Variants in SLCO1B3 observed in about 807,000 individuals in gnomAD.
The protein encoded by SLCO1B3 is liver-specific organic anion transporter 2.
A neutral mutation model predicts 71.8 loss-of-function variants in SLCO1B3; 72 were observed. The ratio of observed to expected loss-of-function variants is 1.00; its 90% CI spans 0.83 to 1.22. The LOEUF (loss-of-function observed/expected upper bound fraction) is 1.22, where lower values mean the gene tolerates loss of function less well. Ranked by LOEUF, SLCO1B3 falls within the 50% of genes most tolerant of loss-of-function variation. The pLI is 0.00. For synonymous variants in SLCO1B3, 298 were observed against 278.4 expected (o/e 1.07, Z -0.70); for missense variants, 911 against 819.7 (o/e 1.11, Z -1.36).
intron 3 of SLCO1B3, among the ~76,000 whole-genome samples, chr12:20,824,343 C>T (rs1489406586): frequency 6.6e-6 from 1 of 152,188 alleles, no homozygotes; most frequent in Non-Finnish European, 1.5e-5. Flanking sequence ...CTTATTAATA[C>T]ATGAGCTCTC....
intron 3 of SLCO1B3, among the ~76,000 whole-genome samples, chr12:20,835,174 A>T (rs1864651334): frequency 6.6e-6 from 1 of 152,130 alleles, no homozygotes; most frequent in East Asian, 1.9e-4. Flanking sequence ...GCACCAAGTC[A>T]TGAGACTGCA....
At chr12:20,829,813 C>T (rs1173030179) in intron 3 of SLCO1B3, among the ~76,000 whole-genome samples, 1 of 152,126 alleles carries the variant, frequency 6.6e-6, no homozygotes, top group East Asian at 1.9e-4. Flanking sequence ...ATTATTCATG[C>T]CTCCCCTTTG....
At chr12:20,834,369 C>CTATATA (rs35103050) in intron 3 of SLCO1B3, among the ~76,000 whole-genome samples, 5 of 140,144 alleles carry the variant, frequency 3.6e-5, no homozygotes, top group South Asian at 2.3e-4. Context: ...TACGTGGAGA[C>CTATATA]TATATATATA....
At chr12:20,854,543 C>T (rs902390078) in intron 3 of SLCO1B3, among the ~76,000 whole-genome samples, 2 of 152,108 alleles carry the variant, frequency 1.3e-5, no homozygotes, top group African/African-American at 4.8e-5. Flanking sequence ...CTGTTTGCAT[C>T]GGATACCTTT....
chr12:20,827,509 A>G (rs1301615575), intron 3 of SLCO1B3, among the ~76,000 whole-genome samples: 1 of 152,192 alleles, frequency 6.6e-6, no homozygotes, highest in African/African-American at 2.4e-5. Flanking sequence ...ATAAAAGTAG[A>G]TCTTAAAGAT....
intron 3 of SLCO1B3, among the ~76,000 whole-genome samples, chr12:20,833,289 C>T (rs947274514): frequency 7.9e-5 from 12 of 151,960 alleles, no homozygotes; most frequent in Admixed American, 3.9e-4. Flanking sequence ...TGCCATGTTA[C>T]CTAACATATT....
intron 10 of SLCO1B3, among the ~76,000 whole-genome samples, chr12:20,879,142 A>G (rs1865638172): frequency 6.9e-6 from 1 of 144,184 alleles, no homozygotes; most frequent in South Asian, 2.2e-4. Flanking sequence ...AAAATAAATT[A>G]TTTTTGTCTC....
chr12:20,828,992 T>A (rs898953651), intron 3 of SLCO1B3, among the ~76,000 whole-genome samples: 1 of 152,190 alleles, frequency 6.6e-6, no homozygotes. Context: ...GGTTGTTTTT[T>A]AATTTTTCTT....
At chr12:20,901,254 A>G in intron 14 of SLCO1B3, 96 bp from the exon 15 acceptor site, 1 of 835,250 alleles carries the variant, frequency 1.2e-6, no homozygotes, top group Non-Finnish European at 1.9e-6. Context: ...CAAAACTTTA[A>G]ACTTGTATTA....
chr12:20,896,544 G>C (rs994061185), intron 13 of SLCO1B3, among the ~76,000 whole-genome samples: 6 of 152,106 alleles, frequency 3.9e-5, no homozygotes, highest in African/African-American at 1.4e-4. Flanking sequence ...ATCTCCATCT[G>C]AGACCACCTC....
chr12:20,862,350 T>C, intron 6 of SLCO1B3, 62 bp from the exon 7 acceptor site: 6 of 1,505,080 alleles, frequency 4.0e-6, no homozygotes, highest in Non-Finnish European at 9.0e-7. Flanking sequence ...TTAAAGTAGT[T>C]AAATTTCTAA....
rs544651199 is a variant in SLCO1B3 at position 20,872,462 on chromosome 12, C to T, written c.728-2773C>T. On this transcript the variant is annotated intron_variant, in intron 8 of 15. Coordinates refer to ENST00000381545, the MANE Select transcript of SLCO1B3 (RefSeq NM_019844.4). ...TGCTACCTAAGGTGCAAGACAAAGT[C>T]GCCTTTATTTTTCCACCACTTCTCT... is the stretch of plus-strand genomic sequence containing the variant. Among the ~76,000 whole-genome samples the T allele has an allele frequency of 3.3e-5, 5 of 152,010 alleles. No homozygotes were observed. In the East Asian group the frequency reaches 9.9e-4, roughly 30 times the overall value.
At chr12:20,842,082 G>T (rs1864815551) in intron 3 of SLCO1B3, among the ~76,000 whole-genome samples, 1 of 151,954 alleles carries the variant, frequency 6.6e-6, no homozygotes, top group Non-Finnish European at 1.5e-5. Flanking sequence ...TTTTAGTAGA[G>T]ACTGGGTTTC....
chr12:20,860,255 C>A (rs558459823), intron 5 of SLCO1B3, among the ~76,000 whole-genome samples: 1 of 152,030 alleles, frequency 6.6e-6, no homozygotes. Context: ...GCGCCCAGCC[C>A]CTGATCATTT....
rs1565591711 is a variant in SLCO1B3 at position 20,858,568 on chromosome 12, G to A, written c.356G>A (p.Gly119Glu). The change falls in exon 5 of 16, where the codon GGA becomes GAA. Residue 119 changes from glycine (G) to glutamate (E), a missense_variant. Transcript: ENST00000381545. ...ACATCTTTACCACATTTCTTCATGG[G>A]ATAGTAAGTGTTAAACAGCTCTGAG... The part of the protein sequence containing the change: ...ILTSLPHFFM[G>E]YYRYSKETHI... 1.2e-6 allele frequency: 2 copies of A among 1,606,096 alleles called. No homozygotes were observed. The highest frequency in any genetic ancestry group is 4.5e-5 in the East Asian group (2 of 44,718).
At position 20,875,283 on chromosome 12, in the gene SLCO1B3, G is replaced by A. The variant is rs2121292393; in HGVS notation, c.776G>A (p.Trp259Ter). Residue 259 changes from tryptophan (W) to a stop codon, truncating the protein, a stop_gained, in exon 9 of 16, where the codon TGG (tryptophan) becomes TAG (stop). Coordinates refer to ENST00000381545, the MANE Select transcript of SLCO1B3 (RefSeq NM_019844.4). LOFTEE classifies it high-confidence loss of function. ...PKDSRWVGAW[W>*]LGFLVSGLFS... ...GACTCTCGTTGGGTTGGAGCTTGGT[G>A]GCTTGGTTTCCTTGTGTCTGGACTA... 6.2e-7 allele frequency: 1 copy of A among 1,613,188 alleles called. No individual in the cohort carries two copies. The highest frequency in any genetic ancestry group is 8.5e-7 in the Non-Finnish European group (1 of 1,179,586).
intron 3 of SLCO1B3, among the ~76,000 whole-genome samples, chr12:20,823,819 A>G (rs2121101144): frequency 6.6e-6 from 1 of 152,290 alleles, no homozygotes; most frequent in East Asian, 1.9e-4. Flanking sequence ...AAAAAGTGAC[A>G]TTCTTTACTT....
rs1214113364 is a variant in SLCO1B3 at position 20,855,056 on chromosome 12, A to G, written c.113A>G (p.Tyr38Cys). 12 of 1,612,060 alleles carry G rather than the reference A, an allele frequency of 7.4e-6. No homozygotes were observed. The African/African-American group carries it at 8.0e-5, about 11-fold the overall frequency. Reference sequence around the variant, plus strand: ...TTCTTGGCAGCCCTGTCATTCAGCTATATTGCTAAAGCACTAGGTGGAATC... The same window carrying G: ...TTCTTGGCAGCCCTGTCATTCAGCTGTATTGCTAAAGCACTAGGTGGAATC... ...KMFLAALSFSYIAKALGGIIM... is the reference protein window; with the variant it reads ...KMFLAALSFSCIAKALGGIIM... The change falls in exon 4 of 16, where the codon TAT becomes TGT. Residue 38 changes from tyrosine to cysteine, a missense_variant. Coordinates refer to ENST00000381545, the MANE Select transcript of SLCO1B3 (RefSeq NM_019844.4).
Position 20,856,135 on chromosome 12 carries a change from T to C in SLCO1B3, c.226+966T>C, listed in dbSNP as rs145926334. On this transcript the variant is annotated intron_variant, in intron 4 of 15. Transcript: ENST00000381545. ...CTAGAATTTTAGAATTGGAATGTTA[T>C]TAGTTTTAACGTTTAATTCACTGTA... Among the ~76,000 whole-genome samples, 770 of 152,352 alleles carry C rather than the reference T, an allele frequency of 5.1e-3. 3 individuals carry two copies. The highest frequency in any genetic ancestry group is 0.017 in the African/African-American group (688 of 41,596).
Sources: allele counts gnomAD v4.1 joint callset (sites outside exome capture counted in the v4.1 genomes callset), GRCh38; gene constraint gnomAD v4.1.1; transcripts MANE v1.5; gene names NCBI Gene and HGNC (gene_info 2026-07-23, HGNC 2026-07-21).